MYO6: variants seen among roughly 807,000 people sequenced by gnomAD.
MYO6 encodes unconventional myosin-VI.
MYO6 carries 74 observed loss-of-function variants against 178.7 expected under a neutral mutation model. The observed-to-expected ratio is 0.41, with a 90% CI of 0.34 to 0.50. The LOEUF (loss-of-function observed/expected upper bound fraction) is 0.50. Among genes scored for constraint, MYO6 ranks in the 20% least tolerant of loss-of-function variants. The probability of loss-of-function intolerance (pLI) is 0.09; values close to 1 mark genes in which losing one functional copy is unlikely to be tolerated. For synonymous variants in MYO6, 477 were observed against 504.6 expected (o/e 0.95, Z 0.73); for missense variants, 1,330 against 1,547.4 (o/e 0.86, Z 2.36).
intron 28 of MYO6, 29 bp downstream of exon 28, chr6:75,892,719 G>T (rs201488990): frequency 3.7e-6 from 6 of 1,610,706 alleles, no homozygotes; most frequent in South Asian, 2.2e-5. Flanking sequence ...GGGGTATAGC[G>T]CTCTCTCCTT....
chr6:75,852,073 A>G (rs1365685924), intron 11 of MYO6, among the ~76,000 whole-genome samples: 1 of 151,904 alleles, frequency 6.6e-6, no homozygotes, highest in Non-Finnish European at 1.5e-5. Context: ...ACTTTACATG[A>G]TAGTATTTTG....
rs7758439 is a variant in MYO6 at position 75,856,979 on chromosome 6, A to G, written c.1224-118A>G. ...CCCATTTATCTGTGCCTATTCTCAC[A>G]TGACCTTTGGTAACTCTTTATTTTG... On this transcript the variant is annotated intron_variant, in intron 12 of 34. Transcript: ENST00000369977. 4.4e-3 allele frequency: 4,064 copies of G among 923,724 alleles called. 123 individuals are homozygous for G. In the African/African-American group the frequency reaches 0.058, roughly 13 times the overall value. The allele number at this position is 923,724 out of a possible 1,614,324, so 57.2% of individuals were successfully genotyped here. A position where few individuals can be genotyped will look rare whatever the true frequency, so the allele number is the denominator to read the frequency against.
chr6:75,887,639 C>CA (rs71002772), intron 25 of MYO6, among the ~76,000 whole-genome samples: 18,657 of 107,890 alleles, frequency 0.17, 3,040 homozygotes, highest in African/African-American at 0.4. Flanking sequence ...GACTCCATCT[C>CA]AAAAAAAAAA....
At chr6:75,841,835 A>G (rs1021808091) in intron 9 of MYO6, among the ~76,000 whole-genome samples, 1 of 152,246 alleles carries the variant, frequency 6.6e-6, no homozygotes, top group African/African-American at 2.4e-5. Context: ...TGACCACTGT[A>G]CTGAGAAGAT....
chr6:75,835,412 T>C (rs1354406023), intron 6 of MYO6, among the ~76,000 whole-genome samples: 2 of 152,118 alleles, frequency 1.3e-5, no homozygotes, highest in Non-Finnish European at 2.9e-5. Flanking sequence ...ATTGAGGTAA[T>C]GAGCATAGTA....
chr6:75,890,331 G>C (rs1778806582), intron 26 of MYO6, 66 bp downstream of exon 26: 1 of 1,597,652 alleles, frequency 6.3e-7, no homozygotes, highest in African/African-American at 1.3e-5. Context: ...TATTGACAGT[G>C]GTTAATGACA....
intron 16 of MYO6, 123 bp downstream of exon 16, chr6:75,862,846 A>G (rs1776318851): frequency 8.9e-7 from 1 of 1,120,848 alleles, no homozygotes; most frequent in African/African-American, 1.6e-5. Context: ...GAGCAACTAT[A>G]TTATATCCAG....
At chr6:75,775,911 C>G (rs1171759627) in intron 1 of MYO6, among the ~76,000 whole-genome samples, 1 of 152,122 alleles carries the variant, frequency 6.6e-6, no homozygotes, top group Non-Finnish European at 1.5e-5. Flanking sequence ...GCAGAGCACA[C>G]TGGTGTTTTT....
intron 18 of MYO6, among the ~76,000 whole-genome samples, chr6:75,870,015 G>A (rs1159976524): frequency 6.6e-6 from 1 of 152,030 alleles, no homozygotes; most frequent in East Asian, 1.9e-4. Flanking sequence ...TCGGGAGGCT[G>A]AGGCAGGAGA....
At chr6:75,893,361 T>A (rs1482958038) in intron 28 of MYO6, among the ~76,000 whole-genome samples, 2 of 152,176 alleles carry the variant, frequency 1.3e-5, no homozygotes. Flanking sequence ...ATTATTTTGA[T>A]TATTTATAAT....
intron 1 of MYO6, among the ~76,000 whole-genome samples, chr6:75,817,201 A>G (rs947588181): frequency 1.3e-5 from 2 of 151,200 alleles, no homozygotes; most frequent in Non-Finnish European, 2.9e-5. Context: ...GCTACTCGGG[A>G]GGCTGAGGCA....
intron 1 of MYO6, among the ~76,000 whole-genome samples, chr6:75,754,192 C>G (rs114768137): frequency 0.011 from 1,670 of 152,206 alleles, 34 homozygotes; most frequent in African/African-American, 0.038. Context: ...ACACAGTCAT[C>G]TTTTGAGTAT....
In MYO6 at chr6:75,857,081, T is replaced by C. The variant is rs770477785; in HGVS notation, c.1224-16T>C. On this transcript the variant is annotated splice_polypyrimidine_tract_variant and intron_variant, in intron 12 of 34. Coordinates refer to ENST00000369977, the MANE Select transcript of MYO6 (RefSeq NM_004999.4). ...CTATTATAAAGAATTTTTACTAGCA[T>C]AGTTTTCTTTTATAGGGTACCTCTG... 65 of 1,613,534 alleles carry C rather than the reference T, an allele frequency of 4.0e-5. No individual in the cohort carries two copies. The highest frequency in any genetic ancestry group is 1.8e-5 in the Non-Finnish European group (21 of 1,179,724).
At chr6:75,782,085 G>C (rs1373920587) in intron 1 of MYO6, among the ~76,000 whole-genome samples, 1 of 152,034 alleles carries the variant, frequency 6.6e-6, no homozygotes, top group Non-Finnish European at 1.5e-5. Context: ...TAAAGTATGG[G>C]CAGGAAATTG....
At chr6:75,812,770 A>G (rs538591523) in intron 1 of MYO6, among the ~76,000 whole-genome samples, 1 of 152,212 alleles carries the variant, frequency 6.6e-6, no homozygotes, top group South Asian at 2.1e-4. Context: ...GTTGTTGTAA[A>G]TGACAGGATC....
Position 75,785,885 on chromosome 6 carries a change from C to G in MYO6, c.-47-31616C>G, listed in dbSNP as rs147379210. 2.1e-4 allele frequency among the ~76,000 whole-genome samples: 32 copies of G among 151,932 alleles called. 1 individual carries two copies. In the East Asian group the frequency reaches 5.8e-3, roughly 27 times the overall value. Reference sequence around the variant, plus strand: ...TGCTTACTTCTGTTGTAAATTAAATCAAGTAAATATTTATATATTTATTTT... The same window carrying G: ...TGCTTACTTCTGTTGTAAATTAAATGAAGTAAATATTTATATATTTATTTT... On this transcript the variant is annotated intron_variant, in intron 1 of 34. Coordinates refer to ENST00000369977, the MANE Select transcript of MYO6 (RefSeq NM_004999.4).
intron 10 of MYO6, among the ~76,000 whole-genome samples, chr6:75,845,869 C>A (rs1240185484): frequency 2.0e-5 from 3 of 151,406 alleles, no homozygotes; most frequent in Admixed American, 6.6e-5. Context: ...TGCCTGTAAT[C>A]CCAGCTACTT....
chr6:75,862,193 G>A (rs915316311), intron 15 of MYO6, among the ~76,000 whole-genome samples: 2 of 152,170 alleles, frequency 1.3e-5, no homozygotes, highest in African/African-American at 4.8e-5. Flanking sequence ...GTTTGAAAGC[G>A]TTTACATCAG....
rs536832970 is a variant in MYO6, at chr6:75,830,475, T to C, written c.321T>C (p.Tyr107=). 3 of 1,612,350 alleles carry C rather than the reference T, an allele frequency of 1.9e-6. No individual in the cohort carries two copies. The highest frequency in any genetic ancestry group is 1.3e-5 in the African/African-American group (1 of 75,010). ...VNPYFDIPKI[Y]SSEAIKSYQG... ...CATACTTTGACATACCTAAAATATA[T>C]TCTTCAGAAGCAATAAAGTCATATC... The change falls in exon 5 of 35, where the codon TAT becomes TAC. Residue 107 remains tyrosine (Y), a synonymous_variant. Coordinates refer to ENST00000369977, the MANE Select transcript of MYO6 (RefSeq NM_004999.4).
Sources: allele counts gnomAD v4.1 joint callset (sites outside exome capture counted in the v4.1 genomes callset), GRCh38; gene constraint gnomAD v4.1.1; transcripts MANE v1.5; gene names NCBI Gene and HGNC (gene_info 2026-07-23, HGNC 2026-07-21).